Variants in FAAH2 observed in about 807,000 individuals in gnomAD.
FAAH2 encodes fatty acid amide hydrolase 2, also known as fatty-acid amide hydrolase 2.
FAAH2 carries 60 observed loss-of-function variants against 36.9 expected under a neutral mutation model. The observed-to-expected ratio is 1.63, with a 90% CI of 1.32 to 2.02. The LOEUF is 2.02. FAAH2 is among the 30% of genes most tolerant of loss of function. The pLI, the probability that FAAH2 is intolerant of heterozygous loss-of-function variation, is 0.00. For synonymous variants in FAAH2, 214 were observed against 143.8 expected, an observed-to-expected ratio of 1.49 and a Z score of -3.49; for missense variants, 689 against 397.5, an observed-to-expected ratio of 1.73 and a Z score of -6.23.
chrX:57,433,892 A>G (rs917599669), intron 8 of FAAH2, among the ~76,000 whole-genome samples: 1 of 111,553 alleles, frequency 9.0e-6, no homozygotes, highest in Non-Finnish European at 1.9e-5. Context: ...AATAAGAACA[A>G]TCCCCTATTC....
At chrX:57,352,477 G>T (rs770094179) in intron 5 of FAAH2, among the ~76,000 whole-genome samples, 2 of 109,138 alleles carry the variant, frequency 1.8e-5, no homozygotes, top group South Asian at 7.7e-4. Context: ...AATAATAAAG[G>T]CCACATATGA....
chrX:57,254,704 TAAAG>T, the FAAH2 span, among the ~76,000 whole-genome samples: 1 of 111,700 alleles, frequency 9.0e-6, no homozygotes, highest in African/African-American at 3.3e-5. Flanking sequence ...AAGGCAGTAA[TAAAG>T]AAGTTCTTTG....
the FAAH2 span, among the ~76,000 whole-genome samples, chrX:57,192,299 A>G: frequency 1.8e-5 from 2 of 111,911 alleles, no homozygotes; most frequent in African/African-American, 6.5e-5. Flanking sequence ...TTTATGATGT[A>G]GATTTTGTAT....
At chrX:57,462,961 TC>T (rs1475592206) in intron 10 of FAAH2, among the ~76,000 whole-genome samples, 3 of 112,329 alleles carry the variant, frequency 2.7e-5, no homozygotes, top group African/African-American at 9.7e-5. Flanking sequence ...TCCAGCAGTT[TC>T]ATGATACAAA....
At chrX:57,186,128 T>C in the FAAH2 span, among the ~76,000 whole-genome samples, 34 of 111,788 alleles carry the variant, frequency 3.0e-4, no homozygotes, top group Non-Finnish European at 5.1e-4. Flanking sequence ...TGGTTCTAGA[T>C]CCTTGAGGAA....
intron 10 of FAAH2, among the ~76,000 whole-genome samples, chrX:57,472,772 A>C (rs768009951): frequency 9.0e-6 from 1 of 111,205 alleles, no homozygotes; most frequent in East Asian, 2.8e-4. Context: ...GTTTCCAGGA[A>C]ACTATCAATT....
At chrX:57,389,194 C>A (rs2055100354) in intron 7 of FAAH2, among the ~76,000 whole-genome samples, 1 of 101,535 alleles carries the variant, frequency 9.8e-6, no homozygotes, top group Non-Finnish European at 2.0e-5. Context: ...TCCAGAGAAG[C>A]AGAAGAAATT....
At chrX:57,244,470 G>GA in the FAAH2 span, among the ~76,000 whole-genome samples, 1 of 111,621 alleles carries the variant, frequency 9.0e-6, no homozygotes, top group East Asian at 2.8e-4. Context: ...TGAAATGAAG[G>GA]AAAAAATTAT....
rs2055240140 is a variant in FAAH2 at position 57,394,329 on chromosome X, C to A, written c.996+13300C>A. 6 of 1,115,510 alleles carry A rather than the reference C, an allele frequency of 5.4e-6. No homozygotes were observed. The East Asian group carries it at 1.8e-4, about 33-fold the overall frequency. 91.9% of individuals were successfully genotyped at this position (1,115,510 alleles called of 1,213,427 possible). Reference sequence around the variant, plus strand: ...GGTGTTGGAGTTATTCCAGTCACCACCTGATATTTCCCAACAGGCTGGTGC... The same window carrying A: ...GGTGTTGGAGTTATTCCAGTCACCAACTGATATTTCCCAACAGGCTGGTGC... On this transcript the variant is annotated intron_variant, in intron 7 of 10. Transcript: ENST00000374900.
At chrX:57,207,014 G>T in the FAAH2 span, among the ~76,000 whole-genome samples, 1 of 111,367 alleles carries the variant, frequency 9.0e-6, no homozygotes, top group Non-Finnish European at 1.9e-5. Flanking sequence ...AAAGGTATAG[G>T]TGATGGAGGC....
At chrX:57,333,846 C>CA (rs2053472425) in intron 4 of FAAH2, among the ~76,000 whole-genome samples, 3 of 111,134 alleles carry the variant, frequency 2.7e-5, no homozygotes, top group Non-Finnish European at 5.7e-5. Context: ...TAAGAAACAG[C>CA]AATAAATGTT....
chrX:57,328,180 G>T (rs2053277937), intron 3 of FAAH2, among the ~76,000 whole-genome samples: 1 of 111,645 alleles, frequency 9.0e-6, no homozygotes, highest in African/African-American at 3.3e-5. Flanking sequence ...AAATGTTGCT[G>T]CCTGATCGTT....
At chrX:57,482,571 C>T (rs1569376385) in intron 10 of FAAH2, among the ~76,000 whole-genome samples, 1 of 110,246 alleles carries the variant, frequency 9.1e-6, no homozygotes, top group African/African-American at 3.3e-5. Flanking sequence ...GGGTTGGACC[C>T]ACTGCCTAAC....
chrX:57,219,622 G>T, the FAAH2 span, among the ~76,000 whole-genome samples: 1 of 111,783 alleles, frequency 8.9e-6, no homozygotes, highest in Non-Finnish European at 1.9e-5. Flanking sequence ...TTAAGGGGAC[G>T]CCTCTAAGCC....
the FAAH2 span, among the ~76,000 whole-genome samples, chrX:57,180,012 G>A: frequency 8.9e-6 from 1 of 112,172 alleles, no homozygotes; most frequent in South Asian, 3.7e-4. Flanking sequence ...GCTCTTGAAT[G>A]ACTTTGGGGT....
chrX:57,140,417 C>CAAAAAAAAAAAA, the FAAH2 span, among the ~76,000 whole-genome samples: 16 of 64,767 alleles, frequency 2.5e-4, no homozygotes, highest in African/African-American at 9.9e-4. Flanking sequence ...CCATCTCTAC[C>CAAAAAAAAAAAA]AAAAAAAAAA....
the FAAH2 span, among the ~76,000 whole-genome samples, chrX:57,268,991 C>A: frequency 9.0e-6 from 1 of 111,001 alleles, no homozygotes; most frequent in Non-Finnish European, 1.9e-5. Flanking sequence ...CTTCAAGAGC[C>A]CTATCTCATA....
intron 5 of FAAH2, among the ~76,000 whole-genome samples, chrX:57,358,081 A>G (rs994428763): frequency 2.7e-5 from 3 of 111,093 alleles, no homozygotes; most frequent in African/African-American, 9.8e-5. Flanking sequence ...TCTTTCCTTC[A>G]GATAAGGTTG....
At chrX:57,148,792 A>T in the FAAH2 span, among the ~76,000 whole-genome samples, 1 of 111,178 alleles carries the variant, frequency 9.0e-6, no homozygotes, top group South Asian at 3.8e-4. Context: ...AACTTCCAAC[A>T]CTAGTTGAAT....
Sources: gnomAD v4.1 joint callset for allele counts (sites outside exome capture counted in the v4.1 genomes callset) on GRCh38, gnomAD v4.1.1 for gene constraint, MANE v1.5 for transcripts, NCBI Gene and HGNC (gene_info 2026-07-23, HGNC 2026-07-21) for gene names.